Variants in WDPCP observed in about 807,000 individuals in gnomAD.
The protein encoded by WDPCP is WD repeat-containing and planar cell polarity effector protein fritz homolog.
In WDPCP, 71 loss-of-function variants were observed where a neutral mutation model predicts 93.1. That is an observed-to-expected ratio of 0.76 (90% CI 0.63 to 0.93). The LOEUF (loss-of-function observed/expected upper bound fraction) is 0.93, where lower values mean the gene tolerates loss of function less well. WDPCP is among the 40% of genes least tolerant of loss of function. WDPCP has a pLI of 0.00. For missense variants in WDPCP, 844 were observed against 887.4 expected, an observed-to-expected ratio of 0.95 and a Z score of 0.62; for synonymous variants, 315 against 315.0, an observed-to-expected ratio of 1.00 and a Z score of 0.00.
chr2:63,789,637 T>A (rs1316107862), intron 2 of WDPCP, among the ~76,000 whole-genome samples: 1 of 152,224 alleles, frequency 6.6e-6, no homozygotes, highest in Non-Finnish European at 1.5e-5. Flanking sequence ...CCGAAGACTG[T>A]CACGTTGTTT....
intron 2 of WDPCP, among the ~76,000 whole-genome samples, chr2:63,810,737 T>C (rs1670851878): frequency 6.6e-6 from 1 of 152,216 alleles, no homozygotes; most frequent in African/African-American, 2.4e-5. Flanking sequence ...AAGCAAGCAT[T>C]AAAGGGCTTT....
intron 9 of WDPCP, among the ~76,000 whole-genome samples, chr2:63,405,532 A>AGTGTGTGTGTGTGTGTGTGT (rs55807956): frequency 8.0e-5 from 10 of 125,008 alleles, no homozygotes; most frequent in African/African-American, 2.8e-4. Flanking sequence ...ATTTTGGTAT[A>AGTGTGTGTGTGTGTGTGTGT]GTGTGTGTGT....
chr2:63,821,825 A>C (rs1671022982), intron 1 of WDPCP, among the ~76,000 whole-genome samples: 1 of 152,204 alleles, frequency 6.6e-6, no homozygotes, highest in African/African-American at 2.4e-5. Flanking sequence ...AATTGAGGAT[A>C]TCAAAGGATT....
Position 63,502,808 on chromosome 2 carries a change from A to T in WDPCP, c.76-9868T>A, listed in dbSNP as rs115300716. On this transcript the variant is annotated intron_variant, in intron 1 of 17. Coordinates refer to ENST00000272321, the MANE Select transcript of WDPCP (RefSeq NM_015910.7). ...AAAAAAAAAACTGGGCATAACATAA[A>T]AAGCTCTTTAAACTCAATTAAGCTA... Among the ~76,000 whole-genome samples the T allele has an allele frequency of 3.2e-3, 485 of 152,240 alleles. 2 individuals are homozygous for T. Among genetic ancestry groups the T allele is most frequent in the Non-Finnish European group, 5.7e-3 (388 of 68,002 alleles).
At chr2:63,620,878 G>T (rs981102670) in intron 3 of WDPCP, among the ~76,000 whole-genome samples, 4 of 152,208 alleles carry the variant, frequency 2.6e-5, no homozygotes, top group Non-Finnish European at 4.4e-5. Flanking sequence ...CAGGCAAACA[G>T]ACTCTGCAGT....
In WDPCP at chr2:63,121,015, G is replaced by A. The variant is rs566303676; in HGVS notation, c.*991C>T. Among the ~76,000 whole-genome samples, 18 of 152,174 alleles carry A rather than the reference G, an allele frequency of 1.2e-4. No homozygotes were observed. In the East Asian group the frequency reaches 3.5e-3, roughly 29 times the overall value. On this transcript the variant is annotated 3_prime_UTR_variant, in exon 18 of 18. Transcript: ENST00000272321. ...GACAAATGATAGTAACCAGGGTATC[G>A]GCATTTTTTTCTTTTCTTCATGGAT...
intron 1 of WDPCP, among the ~76,000 whole-genome samples, chr2:63,558,165 A>AAAAAAAAAT (rs1370956470): frequency 6.6e-6 from 1 of 152,132 alleles, no homozygotes; most frequent in African/African-American, 2.4e-5. Context: ...AACCTCTTAA[A>AAAAAAAAAT]AAAAAAAATC....
At chr2:63,508,562 C>T (rs1366842830) in intron 1 of WDPCP, among the ~76,000 whole-genome samples, 2 of 152,122 alleles carry the variant, frequency 1.3e-5, no homozygotes, top group Non-Finnish European at 2.9e-5. Context: ...ATCATAATGA[C>T]AGGATCAAAT....
At chr2:63,324,071 C>A (rs916308575) in intron 12 of WDPCP, among the ~76,000 whole-genome samples, 1 of 152,048 alleles carries the variant, frequency 6.6e-6, no homozygotes, top group Non-Finnish European at 1.5e-5. Flanking sequence ...TTTTTTTCTG[C>A]CCTACAGCCT....
intron 10 of WDPCP, among the ~76,000 whole-genome samples, chr2:63,390,132 C>A (rs140741485): frequency 2.0e-5 from 3 of 152,080 alleles, no homozygotes; most frequent in Non-Finnish European, 4.4e-5. Flanking sequence ...CTAAAATTGA[C>A]GACATAATTA....
chr2:63,329,425 T>C (rs1687819140), intron 12 of WDPCP, among the ~76,000 whole-genome samples: 1 of 152,200 alleles, frequency 6.6e-6, no homozygotes, highest in Admixed American at 6.5e-5. Flanking sequence ...GTACATTGCT[T>C]TTATTGATTA....
At chr2:63,690,312 G>A (rs1010608482) in intron 2 of WDPCP, among the ~76,000 whole-genome samples, 1 of 152,160 alleles carries the variant, frequency 6.6e-6, no homozygotes, top group African/African-American at 2.4e-5. Flanking sequence ...TTATAAATGA[G>A]GAAACTGAGA....
At chr2:63,183,026 T>C (rs1024387725) in intron 14 of WDPCP, among the ~76,000 whole-genome samples, 11 of 151,860 alleles carry the variant, frequency 7.2e-5, no homozygotes, top group Admixed American at 7.2e-4. Flanking sequence ...GGATCTTCTG[T>C]CTTCTTTTCT....
intron 17 of WDPCP, among the ~76,000 whole-genome samples, chr2:63,144,547 C>T (rs1671341422): frequency 6.6e-6 from 1 of 152,238 alleles, no homozygotes; most frequent in African/African-American, 2.4e-5. Flanking sequence ...AGCCACCATG[C>T]CTGGGCAGCA....
chr2:63,608,742 C>G (rs766538530), intron 3 of WDPCP, among the ~76,000 whole-genome samples: 2 of 152,072 alleles, frequency 1.3e-5, no homozygotes, highest in Non-Finnish European at 2.9e-5. Context: ...CAAAGGAATT[C>G]AAGGCTGCAG....
At chr2:63,510,781 G>A (rs1381322848) in intron 1 of WDPCP, among the ~76,000 whole-genome samples, 1 of 152,124 alleles carries the variant, frequency 6.6e-6, no homozygotes, top group Non-Finnish European at 1.5e-5. Flanking sequence ...AGACCAGCCT[G>A]GCCAACATGG....
chr2:63,391,646 T>A (rs1180520958), intron 10 of WDPCP, among the ~76,000 whole-genome samples: 1 of 152,202 alleles, frequency 6.6e-6, no homozygotes, highest in Non-Finnish European at 1.5e-5. Flanking sequence ...AACCCCATCA[T>A]CTCAGCTCAA....
intron 10 of WDPCP, among the ~76,000 whole-genome samples, chr2:63,399,425 A>G (rs1318874608): frequency 1.3e-5 from 2 of 152,006 alleles, no homozygotes; most frequent in Admixed American, 1.3e-4. Flanking sequence ...TAAGAAGGCA[A>G]ATGTGCTAGA....
At chr2:63,226,105 C>A (rs1263694056) in intron 14 of WDPCP, among the ~76,000 whole-genome samples, 1 of 151,896 alleles carries the variant, frequency 6.6e-6, no homozygotes, top group Non-Finnish European at 1.5e-5. Context: ...ATGTTGAAAT[C>A]CCATGCTTTG....
Sources: allele counts gnomAD v4.1 joint callset (sites outside exome capture counted in the v4.1 genomes callset), GRCh38; gene constraint gnomAD v4.1.1; transcripts MANE v1.5; gene names NCBI Gene and HGNC (gene_info 2026-07-23, HGNC 2026-07-21).